The following CLCN5 variants were observed in gnomAD, a reference collection of about 807,000 sequenced individuals.
CLCN5 encodes H(+)/Cl(-) exchange transporter 5.
Under a neutral mutation model 54.0 loss-of-function variants are expected in CLCN5, and 17 were observed. The observed-to-expected ratio is 0.31, with a 90% CI of 0.22 to 0.47. CLCN5 has a LOEUF of 0.47. Ranked by LOEUF, CLCN5 falls within the 20% of genes least tolerant of loss-of-function variation. CLCN5 has a pLI of 1.00. For synonymous variants in CLCN5, 222 were observed against 233.0 expected, an observed-to-expected ratio of 0.95 and a Z score of 0.43; for missense variants, 448 against 646.7, an observed-to-expected ratio of 0.69 and a Z score of 3.33.
At chrX:50,075,439 G>A (rs1250822087) in intron 6 of CLCN5, among the ~76,000 whole-genome samples, 2 of 110,757 alleles carry the variant, frequency 1.8e-5, no homozygotes, top group Non-Finnish European at 3.8e-5. Context: ...TAATAAACTT[G>A]ACTCTTTATG....
At chrX:50,041,908 A>G (rs1294576702) in intron 3 of CLCN5, among the ~76,000 whole-genome samples, 2 of 112,459 alleles carry the variant, frequency 1.8e-5, no homozygotes, top group African/African-American at 3.2e-5. Context: ...TGGTCTATCC[A>G]TACAGTGAAA....
intron 3 of CLCN5, among the ~76,000 whole-genome samples, chrX:49,940,197 C>T (rs1557170544): frequency 1.8e-5 from 2 of 111,814 alleles, no homozygotes; most frequent in Admixed American, 1.9e-4. Flanking sequence ...CCTGTTTATT[C>T]CTATTCCATC....
At chrX:50,025,273 C>T (rs782046085) in intron 3 of CLCN5, among the ~76,000 whole-genome samples, 3 of 68,102 alleles carry the variant, frequency 4.4e-5, no homozygotes, top group Non-Finnish European at 8.3e-5. Flanking sequence ...TTCTTTGACT[C>T]GGAAAGGGAA....
At chrX:50,004,713 C>A (rs1157784975) in intron 3 of CLCN5, among the ~76,000 whole-genome samples, 1 of 111,208 alleles carries the variant, frequency 9.0e-6, no homozygotes, top group Non-Finnish European at 1.9e-5. Context: ...AATTCAAGAC[C>A]AGCCTGGCCA....
At chrX:49,996,848 C>T (rs781955875) in intron 3 of CLCN5, among the ~76,000 whole-genome samples, 52 of 112,020 alleles carry the variant, frequency 4.6e-4, no homozygotes, top group South Asian at 4.5e-3. Context: ...ACCCTCTTCT[C>T]TCTGTCAGAA....
Position 50,017,370 on chromosome X carries a change from T to C in CLCN5, c.17-24946T>C, listed in dbSNP as rs373176263. 6.7e-4 allele frequency among the ~76,000 whole-genome samples: 75 copies of C among 112,480 alleles called. No individual in the cohort carries two copies. In the South Asian group the frequency reaches 0.01, roughly 15 times the overall value. ...TGAGCTTAAAGAGTTTCTTACTTATTTTAGATACAATCCCTTTCTAAGATA... is the reference window on the plus strand; with the variant it reads ...TGAGCTTAAAGAGTTTCTTACTTATCTTAGATACAATCCCTTTCTAAGATA... On this transcript the variant is annotated intron_variant, in intron 3 of 14. Coordinates refer to ENST00000376091, the MANE Select transcript of CLCN5 (RefSeq NM_001127898.4).
chrX:50,001,539 A>T lies in CLCN5; in HGVS notation c.17-40777A>T, dbSNP rs1027558842. On this transcript the variant is annotated intron_variant, in intron 3 of 14. Transcript: ENST00000376091. Reference sequence around the variant, plus strand: ...ATGCAGGTTTGTTACATATGCATACATGTGCCATGTTGGTGTGCTGCACCC... The same window carrying T: ...ATGCAGGTTTGTTACATATGCATACTTGTGCCATGTTGGTGTGCTGCACCC... Among the ~76,000 whole-genome samples, 7 of 108,214 alleles carry T rather than the reference A, an allele frequency of 6.5e-5. No homozygotes were observed. The Admixed American group carries it at 6.9e-4, about 11-fold the overall frequency. 94.0% of individuals were successfully genotyped at this position (108,214 alleles called of 115,157 possible).
chrX:50,090,694 G>A lies in CLCN5; in HGVS notation c.2168G>A (p.Gly723Glu), dbSNP rs782297848. ...GAAAATGCTCGAAAGAAACAGGATG[G>A]GGTTGTTAGCACTTCCATCATTTAT... The part of the protein sequence containing the change: ...SIENARKKQD[G>E]VVSTSIIYFT... Residue 723 changes from glycine to glutamate, a missense_variant, in exon 14 of 15, where the codon GGG becomes GAG. Transcript: ENST00000376091. The A allele has an allele frequency of 1.7e-6, 2 of 1,207,404 alleles. No individual in the cohort carries two copies. Among genetic ancestry groups the A allele is most frequent in the African/African-American group, 3.5e-5 (2 of 57,002 alleles).
At chrX:50,083,901 G>T (rs1453151431) in intron 9 of CLCN5, among the ~76,000 whole-genome samples, 1 of 111,682 alleles carries the variant, frequency 9.0e-6, no homozygotes, top group Non-Finnish European at 1.9e-5. Context: ...AGATTGCTGG[G>T]GACTTTCATT....
At chrX:50,059,396 A>T (rs1602097974) in intron 4 of CLCN5, among the ~76,000 whole-genome samples, 1 of 112,266 alleles carries the variant, frequency 8.9e-6, no homozygotes, top group African/African-American at 3.2e-5. Context: ...GGCCACTGGC[A>T]TTGTAAAAAT....
intron 3 of CLCN5, among the ~76,000 whole-genome samples, chrX:50,035,926 G>A (rs1405129265): frequency 2.7e-5 from 3 of 112,505 alleles, no homozygotes; most frequent in Non-Finnish European, 5.6e-5. Context: ...TGCATGGCAA[G>A]TCCTATCTGT....
At chrX:50,011,997 TC>T (rs782077341) in intron 3 of CLCN5, among the ~76,000 whole-genome samples, 64 of 111,138 alleles carry the variant, frequency 5.8e-4, no homozygotes, top group African/African-American at 2.0e-3. Flanking sequence ...CTTCATTCAT[TC>T]CCACCTTTAA....
chrX:49,936,024 C>G (rs7063709), intron 3 of CLCN5, among the ~76,000 whole-genome samples: 16,724 of 110,586 alleles, frequency 0.15, 3,136 homozygotes, highest in African/African-American at 0.53. Flanking sequence ...TTGAATCTTT[C>G]TTTAATGAGT....
At position 50,025,351 on chromosome X, in the gene CLCN5, C is replaced by T. The variant is rs1225597312; in HGVS notation, c.17-16965C>T. 4.8e-5 allele frequency among the ~76,000 whole-genome samples: 4 copies of T among 83,073 alleles called. No individual in the cohort carries two copies. The East Asian group carries it at 1.2e-3, about 25-fold the overall frequency. 72.1% of individuals were successfully genotyped at this position (83,073 alleles called of 115,157 possible). On this transcript the variant is annotated intron_variant, in intron 3 of 14. Coordinates refer to ENST00000376091, the MANE Select transcript of CLCN5 (RefSeq NM_001127898.4). Reference sequence around the variant, plus strand: ...CCTGCTTCGGCTCGCGCACGGTGCGCGCACACACTGGCCTGCGCCCACTGT... The same window carrying T: ...CCTGCTTCGGCTCGCGCACGGTGCGTGCACACACTGGCCTGCGCCCACTGT...
chrX:49,994,632 A>G (rs1218872154), intron 3 of CLCN5, among the ~76,000 whole-genome samples: 3 of 111,817 alleles, frequency 2.7e-5, no homozygotes, highest in Non-Finnish European at 3.8e-5. Context: ...ACAACCTGCA[A>G]TAGTACAGAA....
intron 4 of CLCN5, among the ~76,000 whole-genome samples, chrX:50,048,614 T>C (rs1309800601): frequency 8.9e-6 from 1 of 112,204 alleles, no homozygotes; most frequent in Non-Finnish European, 1.9e-5. Context: ...ACTCTTTCAA[T>C]TGACTCCATT....
intron 9 of CLCN5, among the ~76,000 whole-genome samples, chrX:50,084,769 C>G (rs1448359606): frequency 8.9e-6 from 1 of 111,832 alleles, no homozygotes; most frequent in Admixed American, 9.5e-5. Flanking sequence ...CAGCGGCAAC[C>G]TTTTTTGTCT....
intron 3 of CLCN5, among the ~76,000 whole-genome samples, chrX:49,980,386 T>C (rs1928676690): frequency 8.9e-6 from 1 of 111,825 alleles, no homozygotes; most frequent in Non-Finnish European, 1.9e-5. Context: ...GGACTTGTGA[T>C]TGGAAACATT....
intron 3 of CLCN5, among the ~76,000 whole-genome samples, chrX:49,970,489 G>A (rs1557176069): frequency 9.0e-6 from 1 of 110,915 alleles, no homozygotes. Context: ...GCCTGTTCTG[G>A]AAATTTCTTA....
Sources: gnomAD v4.1 joint callset for allele counts (sites outside exome capture counted in the v4.1 genomes callset) on GRCh38, gnomAD v4.1.1 for gene constraint, MANE v1.5 for transcripts, NCBI Gene and HGNC (gene_info 2026-07-23, HGNC 2026-07-21) for gene names.